KCNJ5: variants seen among roughly 807,000 people sequenced by gnomAD.
The protein encoded by KCNJ5 is potassium inwardly rectifying channel subfamily J member 5.
KCNJ5 carries 12 observed loss-of-function variants against 20.2 expected under a neutral mutation model. That is an observed-to-expected ratio of 0.59 (90% CI 0.38 to 0.96). The LOEUF (loss-of-function observed/expected upper bound fraction) is 0.96. KCNJ5 is among the 40% of genes least tolerant of loss of function. The probability of loss-of-function intolerance (pLI) is 0.00; values close to 1 mark genes in which losing one functional copy is unlikely to be tolerated. For synonymous variants in KCNJ5, 210 were observed against 213.9 expected, an observed-to-expected ratio of 0.98 and a Z score of 0.16; for missense variants, 449 against 557.6, an observed-to-expected ratio of 0.81 and a Z score of 1.96.
At position 128,911,687 on chromosome 11, in the gene KCNJ5, C is replaced by T. The variant is rs149219318; in HGVS notation, c.414C>T (p.Ser138=). 45 of 1,614,088 alleles carry T rather than the reference C, an allele frequency of 2.8e-5. No individual in the cohort carries two copies. Among genetic ancestry groups the T allele is most frequent in the South Asian group, 2.1e-4 (19 of 91,084 alleles). ...TTGAAAACCTCAGTGGCTTCGTGTCCGCTTTCCTGTTCTCCATTGAGACCG... is the reference window on the plus strand; with the variant it reads ...TTGAAAACCTCAGTGGCTTCGTGTCTGCTTTCCTGTTCTCCATTGAGACCG... The part of the protein sequence containing the change: ...PCVENLSGFV[S]AFLFSIETET... The change falls in exon 2 of 3, where the codon TCC becomes TCT. Residue 138 remains serine, a synonymous_variant. Coordinates refer to ENST00000529694, the MANE Select transcript of KCNJ5 (RefSeq NM_000890.5). The surrounding 1 kb of genome is among the most constrained non-coding windows in gnomAD (Gnocchi z 6.3).
At chr11:128,892,305 A>G (rs1156229981) in intron 1 of KCNJ5, among the ~76,000 whole-genome samples, 3 of 152,184 alleles carry the variant, frequency 2.0e-5, no homozygotes, top group East Asian at 3.9e-4. Flanking sequence ...AGGACAGAGG[A>G]TAGGGAACAG....
At chr11:128,893,080 G>A (rs959755567) in intron 1 of KCNJ5, among the ~76,000 whole-genome samples, 1 of 152,228 alleles carries the variant, frequency 6.6e-6, no homozygotes, top group Non-Finnish European at 1.5e-5. Flanking sequence ...CTGGCTGAAT[G>A]AGGCGCTCAG....
intron 1 of KCNJ5, among the ~76,000 whole-genome samples, chr11:128,893,697 TGA>T (rs1297146510): frequency 5.1e-4 from 22 of 42,726 alleles, no homozygotes; most frequent in Non-Finnish European, 9.1e-4. Context: ...GAGCCAAGGG[TGA>T]GGGGGGGGGT....
chr11:128,911,688 G>A lies in KCNJ5; in HGVS notation c.415G>A (p.Ala139Thr), dbSNP rs201816501. The A allele has an allele frequency of 9.9e-6, 16 of 1,614,198 alleles. No homozygotes were observed. Among genetic ancestry groups the A allele is most frequent in the East Asian group, 6.7e-5 (3 of 44,884 alleles). ...TGAAAACCTCAGTGGCTTCGTGTCC[G>A]CTTTCCTGTTCTCCATTGAGACCGA... ...CVENLSGFVS[A>T]FLFSIETETT... is the part of the protein sequence containing the mutation. Residue 139 changes from alanine to threonine, a missense_variant, in exon 2 of 3, where the codon GCT becomes ACT. Transcript: ENST00000529694. The surrounding 1 kb of genome is among the most constrained non-coding windows in gnomAD (Gnocchi z 6.3).
At chr11:128,892,215 C>T (rs1280271447) in intron 1 of KCNJ5, among the ~76,000 whole-genome samples, 1 of 152,356 alleles carries the variant, frequency 6.6e-6, no homozygotes, top group East Asian at 1.9e-4. Context: ...CCTCGCTGCC[C>T]AAGTCACTTC....
chr11:128,907,666 G>A (rs1944441518), intron 1 of KCNJ5, among the ~76,000 whole-genome samples: 1 of 152,206 alleles, frequency 6.6e-6, no homozygotes, highest in South Asian at 2.1e-4. Context: ...GGCTTAATAG[G>A]ATTTGCTCAA....
intron 1 of KCNJ5, chr11:128,902,217 G>C: frequency 2.8e-6 from 1 of 357,720 alleles, no homozygotes. Flanking sequence ...TCCCTTCCAC[G>C]ATGCCCTCAC....
Position 128,910,695 on chromosome 11 carries a change from T to C in KCNJ5, c.-10-569T>C, listed in dbSNP as rs987812256. Among the ~76,000 whole-genome samples the C allele has an allele frequency of 2.0e-5, 3 of 152,350 alleles. No individual in the cohort carries two copies. In the East Asian group the frequency reaches 5.8e-4, roughly 29 times the overall value. On this transcript the variant is annotated intron_variant, in intron 1 of 2. Transcript: ENST00000529694. Reference sequence around the variant, plus strand: ...AGTAAGTACTTTTTGAATACATCCATGTGCCGGGCTGTGTTCTAAGTGCTT... The same window carrying C: ...AGTAAGTACTTTTTGAATACATCCACGTGCCGGGCTGTGTTCTAAGTGCTT...
Position 128,912,779 on chromosome 11 carries a change from G to A in KCNJ5, c.937+569G>A, listed in dbSNP as rs568014568. On this transcript the variant is annotated intron_variant, in intron 2 of 2. Transcript: ENST00000529694. ...CTGCCTCGGCCTCCCAAAGTGCTGG[G>A]ATTACACGCGTGAGCCACAGTGCCC... Among the ~76,000 whole-genome samples, 30 of 152,304 alleles carry A rather than the reference G, an allele frequency of 2.0e-4. No homozygotes were observed. The South Asian group carries it at 6.0e-3, about 30-fold the overall frequency.
chr11:128,912,843 AGG>A (rs566757227), intron 2 of KCNJ5, among the ~76,000 whole-genome samples: 259 of 152,320 alleles, frequency 1.7e-3, no homozygotes, highest in African/African-American at 6.1e-3. Context: ...ATAAAGACAC[AGG>A]GACACAGACA....
intron 1 of KCNJ5, chr11:128,909,720 G>C (rs1944471504): frequency 6.6e-6 from 1 of 152,264 alleles, no homozygotes; most frequent in African/African-American, 2.4e-5. Flanking sequence ...TCTCGATCAG[G>C]ACAGATAAGT....
chr11:128,891,435 C>CAGAAAGAG lies in KCNJ5; in HGVS notation c.-296_-295insGAAAGAGA, dbSNP rs886047994. 1.2e-5 allele frequency: 1 copy of CAGAAAGAG among 85,124 alleles called. No individual in the cohort carries two copies. The highest frequency in any genetic ancestry group is 5.2e-5 in the African/African-American group (1 of 19,288). The allele number at this position is 85,124 out of a possible 1,614,324, so 5.3% of individuals were successfully genotyped here. On this transcript the variant is annotated 5_prime_UTR_variant, in exon 1 of 3. Coordinates refer to ENST00000529694, the MANE Select transcript of KCNJ5 (RefSeq NM_000890.5). ...ACACACACACACACACACACACACACACACACAGAGAGAGAGAGAGAGAGA... is the reference window on the plus strand; with the variant it reads ...ACACACACACACACACACACACACACAGAAAGAGACACACAGAGAGAGAGAGAGAGAGA...
intron 2 of KCNJ5, among the ~76,000 whole-genome samples, chr11:128,915,439 T>G (rs1944562905): frequency 6.6e-6 from 1 of 152,172 alleles, no homozygotes; most frequent in Admixed American, 6.5e-5. Context: ...ACAATCCCCA[T>G]ATGTTCCAAA....
In KCNJ5 at chr11:128,920,089, T is replaced by C. The variant is rs1211465867; in HGVS notation, c.*3358T>C. The C allele has an allele frequency of 6.6e-6, 1 of 152,250 alleles. No homozygotes were observed. The highest frequency in any genetic ancestry group is 1.5e-5 in the Non-Finnish European group (1 of 68,038). The allele number at this position is 152,250 out of a possible 1,614,324, so 9.4% of individuals were successfully genotyped here. On this transcript the variant is annotated 3_prime_UTR_variant, in exon 3 of 3. Coordinates refer to ENST00000529694, the MANE Select transcript of KCNJ5 (RefSeq NM_000890.5). ...TTAAGCTCTCTGAGAATGTCCCCTG[T>C]AGGGAGAAGCCTCCAGGAACTCAGA...
chr11:128,894,269 G>A (rs574688496), intron 1 of KCNJ5, among the ~76,000 whole-genome samples: 1 of 151,946 alleles, frequency 6.6e-6, no homozygotes, highest in East Asian at 1.9e-4. Flanking sequence ...ACCTTGGAAT[G>A]TGATCGTTGG....
At chr11:128,904,417 G>A in intron 1 of KCNJ5, 4 of 1,613,964 alleles carry the variant, frequency 2.5e-6, no homozygotes, top group African/African-American at 1.3e-5. Flanking sequence ...ATCAAGGGTC[G>A]TCAATCTCAT....
Position 128,911,281 on chromosome 11 carries a change from G to C in KCNJ5, c.8G>C (p.Gly3Ala). 1 of 1,613,954 alleles carries C rather than the reference G, an allele frequency of 6.2e-7. No individual in the cohort carries two copies. The highest frequency in any genetic ancestry group is 2.2e-5 in the East Asian group (1 of 44,874). The change falls in exon 2 of 3, where the codon GGC becomes GCC. Residue 3 changes from glycine to alanine, a missense_variant. Coordinates refer to ENST00000529694, the MANE Select transcript of KCNJ5 (RefSeq NM_000890.5). This position sits in a 1 kb window ranked among gnomAD's most constrained non-coding sequence, Gnocchi z 6.3. Reference protein sequence around the residue: MAGDSRNAMNQDM... With the variant: MAADSRNAMNQDM... ...ACTCAAAGCATCCCAGCTATGGCTG[G>C]CGATTCTAGGAATGCCATGAACCAG...
chr11:128,900,272 C>G (rs566918368), intron 1 of KCNJ5: 2 of 152,190 alleles, frequency 1.3e-5, no homozygotes, highest in Non-Finnish European at 2.9e-5. Flanking sequence ...AATTCTGTCT[C>G]CCTTTAAAGA....
chr11:128,902,961 T>G (rs756112395), intron 1 of KCNJ5, among the ~76,000 whole-genome samples: 1 of 152,102 alleles, frequency 6.6e-6, no homozygotes, highest in African/African-American at 2.4e-5. Context: ...GAAAAAAAAT[T>G]TCATCTTCAA....
Sources: gnomAD v4.1 joint callset for allele counts (sites outside exome capture counted in the v4.1 genomes callset) on GRCh38, gnomAD v4.1.1 for gene constraint, Gnocchi (gnomAD v3.1) non-coding constraint, MANE v1.5 for transcripts, NCBI Gene and HGNC (gene_info 2026-07-23, HGNC 2026-07-21) for gene names.